NCAM1: variants seen among roughly 807,000 people sequenced by gnomAD.
NCAM1 encodes neural cell adhesion molecule 1, also known as antigen recognized by monoclonal antibody 5.1H11.
NCAM1 carries 14 observed loss-of-function variants against 109.8 expected under a neutral mutation model. The ratio of observed to expected loss-of-function variants is 0.13; its 90% confidence interval spans 0.08 to 0.20. The LOEUF (loss-of-function observed/expected upper bound fraction) is 0.20, where lower values mean the gene tolerates loss of function less well. NCAM1 is among the 10% of genes least tolerant of loss of function. The pLI is 1.00. For missense variants in NCAM1, 774 were observed against 1,109.9 expected (o/e 0.70, Z 4.30); for synonymous variants, 418 against 442.9 (o/e 0.94, Z 0.70).
At chr11:113,007,786 G>A (rs1951926902) in intron 1 of NCAM1, among the ~76,000 whole-genome samples, 1 of 152,210 alleles carries the variant, frequency 6.6e-6, no homozygotes, top group African/African-American at 2.4e-5. Context: ...GTTCTTCAAG[G>A]CTTAGAGATG....
chr11:113,227,725 C>T (rs1188774240), intron 9 of NCAM1, among the ~76,000 whole-genome samples: 2 of 152,174 alleles, frequency 1.3e-5, no homozygotes, highest in Admixed American at 1.3e-4. Context: ...CATCAAAAAG[C>T]TTATCCACCA....
chr11:113,184,771 A>G (rs782445931), intron 1 of NCAM1, among the ~76,000 whole-genome samples: 3 of 152,060 alleles, frequency 2.0e-5, no homozygotes, highest in Non-Finnish European at 2.9e-5. Flanking sequence ...GCTGACACTT[A>G]TGGAGACCTT....
At chr11:113,078,726 G>A (rs1391412119) in intron 1 of NCAM1, among the ~76,000 whole-genome samples, 1 of 152,076 alleles carries the variant, frequency 6.6e-6, no homozygotes, top group African/African-American at 2.4e-5. Flanking sequence ...TGACCCCAAA[G>A]GCTATGCGGT....
rs1365566504 is a variant in NCAM1, at chr11:113,232,895, A to G, written c.1522+81A>G. The G allele has an allele frequency of 2.8e-5, 35 of 1,272,150 alleles. No individual in the cohort carries two copies. The South Asian group carries it at 4.3e-4, about 16-fold the overall frequency. The allele number at this position is 1,272,150 out of a possible 1,614,324, so 78.8% of individuals were successfully genotyped here. On this transcript the variant is annotated intron_variant, in intron 12 of 19. Coordinates refer to ENST00000316851, the MANE Select transcript of NCAM1 (RefSeq NM_181351.5). ...CCAGCCCAATTTGTGTACTTGAGTG[A>G]TTCCAGGATATTGGGAAGAAGAAAG...
At chr11:113,201,876 T>C (rs1362100333) in intron 1 of NCAM1, among the ~76,000 whole-genome samples, 2 of 152,220 alleles carry the variant, frequency 1.3e-5, no homozygotes, top group African/African-American at 4.8e-5. Context: ...TCCTAGTGAT[T>C]GTGTCCGGAC....
chr11:113,007,541 C>G (rs1244660492), intron 1 of NCAM1, among the ~76,000 whole-genome samples: 2 of 152,182 alleles, frequency 1.3e-5, no homozygotes, highest in East Asian at 3.8e-4. Context: ...CCCAAAACTG[C>G]CATATTTTAC....
intron 1 of NCAM1, among the ~76,000 whole-genome samples, chr11:113,169,778 C>A (rs531204614): frequency 1.3e-5 from 2 of 152,148 alleles, no homozygotes; most frequent in Admixed American, 1.3e-4. Flanking sequence ...TAGGTGCCTG[C>A]CACATGTCCG....
At chr11:113,141,992 A>G (rs909898829) in intron 1 of NCAM1, among the ~76,000 whole-genome samples, 7 of 152,148 alleles carry the variant, frequency 4.6e-5, no homozygotes, top group Non-Finnish European at 1.0e-4. Flanking sequence ...TTTTAACTAG[A>G]TGGGAATAAG....
At chr11:112,983,283 T>C (rs1416034161) in intron 1 of NCAM1, among the ~76,000 whole-genome samples, 19 of 151,970 alleles carry the variant, frequency 1.3e-4, no homozygotes, top group Admixed American at 1.2e-3. Flanking sequence ...ACATGAAAGA[T>C]TGTGTAGCTC....
chr11:113,108,939 T>C (rs1940306666), intron 1 of NCAM1, among the ~76,000 whole-genome samples: 1 of 151,118 alleles, frequency 6.6e-6, no homozygotes. Context: ...GGTTTCACCA[T>C]GTTGGCCAGC....
In NCAM1 at chr11:113,271,852, A is replaced by T; in HGVS notation, c.2432A>T (p.Glu811Val). The change falls in exon 19 of 20, where the codon GAG becomes GTG. Residue 811 changes from glutamate to valine, a missense_variant. Physicochemically the swap from Glu to Val is moderately radical, Grantham distance 121. Around this residue, in one of 4 missense-constraint regions of NCAM1, gnomAD observed 122 missense variants for 129.7 expected, o/e 0.94. Transcript: ENST00000316851. Reference protein sequence around the residue: ...HDGGKHTEPNETTPLTEPEKG... With the variant: ...HDGGKHTEPNVTTPLTEPEKG... ...GGAGGGAAACACACAGAGCCCAACGAGACCACGCCACTGACGGAGCCCGAG... is the reference window on the plus strand; with the variant it reads ...GGAGGGAAACACACAGAGCCCAACGTGACCACGCCACTGACGGAGCCCGAG... 6.4e-7 allele frequency: 1 copy of T among 1,570,700 alleles called. No individual in the cohort carries two copies. Among genetic ancestry groups the T allele is most frequent in the Non-Finnish European group, 8.6e-7 (1 of 1,158,320 alleles).
At chr11:113,012,310 C>T (rs1289774448) in intron 1 of NCAM1, among the ~76,000 whole-genome samples, 3 of 151,990 alleles carry the variant, frequency 2.0e-5, no homozygotes, top group African/African-American at 4.8e-5. Context: ...TTCCACTGTG[C>T]CCGGCTGGGA....
rs575108273 is a variant in NCAM1, at chr11:113,168,017, C to G, written c.53-34362C>G. ...GTTAGGGTGTGACTGGATTCTGAAG[C>G]CAGAATTTCACAGTACACATTTTTC... On this transcript the variant is annotated intron_variant, in intron 1 of 19. Transcript: ENST00000316851. Among the ~76,000 whole-genome samples, 19 of 152,194 alleles carry G rather than the reference C, an allele frequency of 1.2e-4. No homozygotes were observed. The South Asian group carries it at 3.7e-3, about 30-fold the overall frequency.
chr11:113,241,740 C>T (rs1307211486), intron 14 of NCAM1, among the ~76,000 whole-genome samples: 5 of 152,192 alleles, frequency 3.3e-5, no homozygotes, highest in African/African-American at 1.2e-4. Flanking sequence ...AAAGTAAGAC[C>T]ACAGCTCAGT....
chr11:113,052,533 A>C (rs1953542526), intron 1 of NCAM1, among the ~76,000 whole-genome samples: 1 of 152,160 alleles, frequency 6.6e-6, no homozygotes, highest in Non-Finnish European at 1.5e-5. Context: ...TAAGCTGGGA[A>C]ATGCCATAGT....
chr11:113,090,130 T>TG (rs1177021776), intron 1 of NCAM1, among the ~76,000 whole-genome samples: 4 of 152,208 alleles, frequency 2.6e-5, no homozygotes, highest in African/African-American at 9.6e-5. Context: ...CTAGTAATTA[T>TG]GAGAAAATAA....
Position 113,231,633 on chromosome 11 carries a change from C to CA in NCAM1, c.1090-11dup, listed in dbSNP as rs1164831662. The CA allele has an allele frequency of 6.2e-7, 1 of 1,612,134 alleles. No individual in the cohort carries two copies. Among genetic ancestry groups the CA allele is most frequent in the African/African-American group, 1.3e-5 (1 of 74,850 alleles). On this transcript the variant is annotated splice_polypyrimidine_tract_variant and intron_variant, in intron 9 of 19. Coordinates refer to ENST00000316851, the MANE Select transcript of NCAM1 (RefSeq NM_181351.5). ...GGCTCTGACATGCTCCCTTCCCCCCCACCCCCGGCAGACTCTGGATGGGCA... is the reference window on the plus strand; with the variant it reads ...GGCTCTGACATGCTCCCTTCCCCCCCAACCCCCGGCAGACTCTGGATGGGCA...
chr11:113,181,620 G>A (rs1410550190), intron 1 of NCAM1, among the ~76,000 whole-genome samples: 1 of 152,034 alleles, frequency 6.6e-6, no homozygotes, highest in Non-Finnish European at 1.5e-5. Flanking sequence ...CCACCATGGC[G>A]CATGTTTACC....
intron 1 of NCAM1, among the ~76,000 whole-genome samples, chr11:112,975,850 G>C (rs1555067614): frequency 6.6e-6 from 1 of 151,896 alleles, no homozygotes; most frequent in Non-Finnish European, 1.5e-5. Flanking sequence ...TTTATTATTT[G>C]TATTCCTTTA....
Sources: allele counts gnomAD v4.1 joint callset (sites outside exome capture counted in the v4.1 genomes callset), GRCh38; gene constraint gnomAD v4.1.1; regional missense constraint gnomAD v4.1.1; transcripts MANE v1.5; gene names NCBI Gene and HGNC (gene_info 2026-07-23, HGNC 2026-07-21).